Variants in SLC2A13 observed in about 807,000 individuals in gnomAD.
The protein encoded by SLC2A13 is proton myo-inositol cotransporter.
A neutral mutation model predicts 64.4 loss-of-function variants in SLC2A13; 32 were observed. The ratio of observed to expected loss-of-function variants is 0.50; its 90% CI spans 0.37 to 0.67. SLC2A13 has a LOEUF of 0.67. SLC2A13 is among the 30% of genes least tolerant of loss of function. SLC2A13 has a pLI of 0.00. For missense variants in SLC2A13, 743 were observed against 829.2 expected, an observed-to-expected ratio of 0.90 and a Z score of 1.28; for synonymous variants, 338 against 327.1, an observed-to-expected ratio of 1.03 and a Z score of -0.36.
chr12:39,860,686 C>T (rs1053251584), intron 6 of SLC2A13, among the ~76,000 whole-genome samples: 3 of 152,198 alleles, frequency 2.0e-5, no homozygotes, highest in Non-Finnish European at 2.9e-5. Context: ...ACCAAAGACT[C>T]CTTCCTCCTA....
At chr12:40,088,210 A>G (rs1938649361) in intron 1 of SLC2A13, among the ~76,000 whole-genome samples, 1 of 152,208 alleles carries the variant, frequency 6.6e-6, no homozygotes, top group South Asian at 2.1e-4. Flanking sequence ...ACAAAAGTAT[A>G]GACAGTTCTC....
intron 2 of SLC2A13, among the ~76,000 whole-genome samples, chr12:40,038,654 C>T (rs1294362520): frequency 2.0e-5 from 3 of 151,000 alleles, no homozygotes; most frequent in African/African-American, 7.3e-5. Context: ...TCACTTGAGC[C>T]CAGGAGGTCG....
intron 4 of SLC2A13, among the ~76,000 whole-genome samples, chr12:39,899,071 T>C (rs1028035921): frequency 6.6e-6 from 1 of 152,138 alleles, no homozygotes; most frequent in Non-Finnish European, 1.5e-5. Context: ...AGTTCCTCCT[T>C]GTACCTCTGG....
rs1939944491 is a variant in SLC2A13, at chr12:39,755,195, T to C, written c.*4831A>G. 1 of 152,170 alleles carries C rather than the reference T, an allele frequency of 6.6e-6. No homozygotes were observed. The highest frequency in any genetic ancestry group is 6.6e-5 in the Admixed American group (1 of 15,248). 9.4% of individuals were successfully genotyped at this position (152,170 alleles called of 1,614,324 possible). A position where few individuals can be genotyped will look rare whatever the true frequency, so the allele number is the denominator to read the frequency against. On this transcript the variant is annotated 3_prime_UTR_variant, in exon 10 of 10. Coordinates refer to ENST00000280871, the MANE Select transcript of SLC2A13 (RefSeq NM_052885.4). ...AATCTCCATAAAATATACAATACTT[T>C]TGATACAGCATAGGCTAGGATGACT... is the stretch of plus-strand genomic sequence containing the variant.
chr12:40,073,006 A>G (rs888986438), intron 1 of SLC2A13, among the ~76,000 whole-genome samples: 1 of 151,946 alleles, frequency 6.6e-6, no homozygotes. Flanking sequence ...TTCTCACCAC[A>G]TTGGTTATAC....
At chr12:39,952,596 T>A (rs1365485022) in intron 3 of SLC2A13, among the ~76,000 whole-genome samples, 1 of 152,170 alleles carries the variant, frequency 6.6e-6, no homozygotes, top group Non-Finnish European at 1.5e-5. Flanking sequence ...ATAAGTATAA[T>A]CATAAAACTT....
rs555703828 is a variant in SLC2A13 at position 39,758,628 on chromosome 12, A to G, written c.*1398T>C. 1.1e-4 allele frequency: 16 copies of G among 152,128 alleles called. No homozygotes were observed. Among genetic ancestry groups the G allele is most frequent in the African/African-American group, 3.9e-4 (16 of 41,524 alleles). The allele number at this position is 152,128 out of a possible 1,614,324, so 9.4% of individuals were successfully genotyped here. The stretch of plus-strand genomic sequence containing the variant: ...CAGTGATGAATTACCATAAAAACCA[A>G]TGAATACCTTGGAAAGACATTGTGG... On this transcript the variant is annotated 3_prime_UTR_variant, in exon 10 of 10. Coordinates refer to ENST00000280871, the MANE Select transcript of SLC2A13 (RefSeq NM_052885.4).
At chr12:40,025,433 A>G (rs1009077342) in intron 3 of SLC2A13, among the ~76,000 whole-genome samples, 1 of 152,202 alleles carries the variant, frequency 6.6e-6, no homozygotes, top group Non-Finnish European at 1.5e-5. Context: ...AAAAATTCCT[A>G]TGAAAAGAGA....
intron 4 of SLC2A13, chr12:39,950,669 G>A (rs979219806): frequency 6.6e-5 from 10 of 152,184 alleles, no homozygotes; most frequent in African/African-American, 2.4e-4. Context: ...AAACCTAGTA[G>A]AGCCCTTAAT....
intron 1 of SLC2A13, among the ~76,000 whole-genome samples, chr12:40,092,829 T>C (rs536091633): frequency 1.3e-5 from 2 of 152,238 alleles, no homozygotes; most frequent in Non-Finnish European, 2.9e-5. Flanking sequence ...CTTTACAGTC[T>C]GGGTGAACTA....
intron 6 of SLC2A13, among the ~76,000 whole-genome samples, chr12:39,857,054 T>C (rs944327205): frequency 6.6e-6 from 1 of 152,196 alleles, no homozygotes; most frequent in Admixed American, 6.5e-5. Flanking sequence ...AAACTCCAAG[T>C]TGGTTTCATG....
chr12:39,773,119 C>T (rs1940644931), intron 7 of SLC2A13, among the ~76,000 whole-genome samples: 1 of 152,184 alleles, frequency 6.6e-6, no homozygotes, highest in Admixed American at 6.5e-5. Flanking sequence ...AACAAAAATA[C>T]TTTGACATCA....
At chr12:39,761,569 G>T (rs1940147306) in intron 9 of SLC2A13, among the ~76,000 whole-genome samples, 4 of 151,890 alleles carry the variant, frequency 2.6e-5, no homozygotes, top group Admixed American at 2.6e-4. Flanking sequence ...TAATTAATTG[G>T]GATGTTTTTA....
Position 39,896,361 on chromosome 12 carries a change from T to TATATATGTATAC in SLC2A13, c.1035-24412_1035-24401dup, listed in dbSNP as rs1491526722. On this transcript the variant is annotated intron_variant, in intron 4 of 9. Coordinates refer to ENST00000280871, the MANE Select transcript of SLC2A13 (RefSeq NM_052885.4). ...GTATACATATATGTATGTATATGTGTATATATGTATACATATATGTATGTA... is the reference window on the plus strand; with the variant it reads ...GTATACATATATGTATGTATATGTGTATATATGTATACATATATGTATACATATATGTATGTA... Among the ~76,000 whole-genome samples, 113 of 139,990 alleles carry TATATATGTATAC rather than the reference T, an allele frequency of 8.1e-4. 1 individual carries two copies. Among genetic ancestry groups the TATATATGTATAC allele is most frequent in the African/African-American group, 2.9e-3 (105 of 36,038 alleles). The allele number at this position is 139,990 out of a possible 152,430, so 91.8% of individuals were successfully genotyped here. A position where few individuals can be genotyped will look rare whatever the true frequency, so the allele number is the denominator to read the frequency against.
At chr12:39,975,626 C>T (rs977082021) in intron 3 of SLC2A13, among the ~76,000 whole-genome samples, 1 of 152,176 alleles carries the variant, frequency 6.6e-6, no homozygotes, top group African/African-American at 2.4e-5. Flanking sequence ...TGTAAGATTT[C>T]CCAGAAGGAA....
intron 4 of SLC2A13, among the ~76,000 whole-genome samples, chr12:39,923,737 C>T (rs1019486184): frequency 8.6e-5 from 11 of 128,512 alleles, no homozygotes; most frequent in Admixed American, 4.7e-4. Flanking sequence ...TATTTTAACA[C>T]GATAAAAAAT....
At chr12:39,906,968 G>A (rs568782522) in intron 4 of SLC2A13, among the ~76,000 whole-genome samples, 22 of 152,130 alleles carry the variant, frequency 1.4e-4, no homozygotes, top group African/African-American at 5.3e-4. Context: ...AAAATCAGTT[G>A]CTCCAATTTT....
chr12:39,900,644 C>A (rs1372734102), intron 4 of SLC2A13, among the ~76,000 whole-genome samples: 3 of 152,052 alleles, frequency 2.0e-5, no homozygotes, highest in East Asian at 1.9e-4. Flanking sequence ...ACGTGAAGGA[C>A]CTCTTCAAGG....
intron 5 of SLC2A13, among the ~76,000 whole-genome samples, chr12:39,867,695 C>A (rs964806257): frequency 1.3e-5 from 2 of 152,166 alleles, no homozygotes; most frequent in African/African-American, 4.8e-5. Flanking sequence ...TATTTTGGCC[C>A]ATTTTGGAGG....
Sources: gnomAD v4.1 joint callset for allele counts (sites outside exome capture counted in the v4.1 genomes callset) on GRCh38, gnomAD v4.1.1 for gene constraint, MANE v1.5 for transcripts, NCBI Gene and HGNC (gene_info 2026-07-23, HGNC 2026-07-21) for gene names.